GRK3: variants seen among roughly 807,000 people sequenced by gnomAD.
GRK3 encodes adrenergic, beta, receptor kinase 2.
GRK3 carries 54 observed loss-of-function variants against 95.7 expected under a neutral mutation model. The observed-to-expected ratio is 0.56, with a 90% CI of 0.45 to 0.71. The LOEUF (loss-of-function observed/expected upper bound fraction) is 0.71. Among genes scored for constraint, GRK3 ranks in the 30% least tolerant of loss-of-function variants. The probability of loss-of-function intolerance (pLI) is 0.00; values close to 1 mark genes in which losing one functional copy is unlikely to be tolerated. For synonymous variants in GRK3, 281 were observed against 290.8 expected, an observed-to-expected ratio of 0.97 and a Z score of 0.34; for missense variants, 649 against 851.2, an observed-to-expected ratio of 0.76 and a Z score of 2.96.
At position 25,587,932 on chromosome 22, in the gene GRK3, C is replaced by T. The variant is rs143813380; in HGVS notation, c.114-16445C>T. On this transcript the variant is annotated intron_variant, in intron 1 of 20. Transcript: ENST00000324198. ...CCAATTAAACCCTGTTTCCTGGATA[C>T]ATTACCCAGTCTCGGGTATGTCTTT... Among the ~76,000 whole-genome samples, 471 of 147,602 alleles carry T rather than the reference C, an allele frequency of 3.2e-3. 4 individuals are homozygous for T. Among genetic ancestry groups the T allele is most frequent in the South Asian group, 8.8e-3 (41 of 4,648 alleles).
intron 2 of GRK3, among the ~76,000 whole-genome samples, chr22:25,636,262 G>A (rs979233264): frequency 2.6e-5 from 4 of 152,086 alleles, no homozygotes; most frequent in Non-Finnish European, 2.9e-5. Context: ...CATTGCTGCC[G>A]GTGTGTCATT....
Position 25,721,308 on chromosome 22 carries a change from A to G in GRK3, c.1816A>G (p.Ile606Val), listed in dbSNP as rs781676424. The G allele has an allele frequency of 2.5e-6, 4 of 1,596,822 alleles. No individual in the cohort carries two copies. The highest frequency in any genetic ancestry group is 1.1e-5 in the South Asian group (1 of 87,910). The stretch of plus-strand genomic sequence containing the variant: ...GCAAAATTTACTGACAATGGAACAG[A>G]TTCTCTCTGTGGAAGAAACTCAAAT... ...SRQNLLTMEQ[I>V]LSVEETQIKD... Residue 606 changes from isoleucine to valine, a missense_variant, in exon 20 of 21, where the codon ATT becomes GTT. Ile to Val is a conservative substitution (Grantham distance 29). This residue lies in a region of GRK3 where 382 missense variants were observed against 493.8 expected (regional missense o/e 0.77). Coordinates refer to ENST00000324198, the MANE Select transcript of GRK3 (RefSeq NM_005160.4).
At chr22:25,603,534 A>C (rs2084423496) in intron 1 of GRK3, among the ~76,000 whole-genome samples, 1 of 152,202 alleles carries the variant, frequency 6.6e-6, no homozygotes, top group Non-Finnish European at 1.5e-5. Context: ...ACTTTGTAAT[A>C]AGCCCCAGTA....
At chr22:25,640,868 G>A (rs567436345) in intron 2 of GRK3, among the ~76,000 whole-genome samples, 3 of 152,272 alleles carry the variant, frequency 2.0e-5, no homozygotes, top group Admixed American at 2.0e-4. Flanking sequence ...GCAGGTGTTA[G>A]GTCACCATTT....
intron 3 of GRK3, among the ~76,000 whole-genome samples, chr22:25,651,420 C>T (rs1280712129): frequency 6.6e-6 from 1 of 152,176 alleles, no homozygotes; most frequent in Non-Finnish European, 1.5e-5. Flanking sequence ...TAAAATGTGA[C>T]AGATGGACTT....
intron 2 of GRK3, among the ~76,000 whole-genome samples, chr22:25,615,007 G>C (rs2084527334): frequency 6.6e-6 from 1 of 152,188 alleles, no homozygotes; most frequent in African/African-American, 2.4e-5. Context: ...GTACTGAACA[G>C]TTGTTAAGTG....
chr22:25,625,982 G>C (rs1253662666), intron 2 of GRK3, among the ~76,000 whole-genome samples: 1 of 152,096 alleles, frequency 6.6e-6, no homozygotes, highest in Non-Finnish European at 1.5e-5. Context: ...CAGACATCCG[G>C]GGCCACTACC....
chr22:25,661,156 T>G (rs929821792), intron 3 of GRK3, among the ~76,000 whole-genome samples: 1 of 152,204 alleles, frequency 6.6e-6, no homozygotes, highest in African/African-American at 2.4e-5. Context: ...CTCCTTGTAG[T>G]TTTGGAACAC....
intron 2 of GRK3, 30 bp downstream of exon 2, chr22:25,604,483 G>A (rs752041699): frequency 2.0e-6 from 3 of 1,509,212 alleles, no homozygotes; most frequent in Middle Eastern, 1.7e-4. Flanking sequence ...TTGGCATACG[G>A]TAATTTTAGT....
At chr22:25,636,581 GTAAATT>G (rs1384164376) in intron 2 of GRK3, among the ~76,000 whole-genome samples, 1 of 152,046 alleles carries the variant, frequency 6.6e-6, no homozygotes, top group East Asian at 1.9e-4. Flanking sequence ...CTTTTTTAAG[GTAAATT>G]TACTTACAGT....
At chr22:25,722,147 G>C (rs2085437393) in intron 20 of GRK3, 142 bp from the exon 21 acceptor site, 1 of 857,774 alleles carries the variant, frequency 1.2e-6, no homozygotes, top group Non-Finnish European at 1.8e-6. Flanking sequence ...TGACCCATCA[G>C]CTAGTAATGC....
Position 25,678,918 on chromosome 22 carries a change from A to G in GRK3, c.747+3A>G, listed in dbSNP as rs754013509. The G allele has an allele frequency of 1.4e-5, 21 of 1,510,428 alleles. No individual in the cohort carries two copies. Among genetic ancestry groups the G allele is most frequent in the South Asian group, 1.1e-4 (9 of 82,064 alleles). The allele number at this position is 1,510,428 out of a possible 1,614,324, so 93.6% of individuals were successfully genotyped here. A position where few individuals can be genotyped will look rare whatever the true frequency, so the allele number is the denominator to read the frequency against. On this transcript the variant is annotated splice_donor_region_variant and intron_variant, in intron 9 of 20. Transcript: ENST00000324198. ...TGTTGTCTCTTGTCAGCACAGGAGTAAGTATTCAATTTCCAGCATTTCTTT... is the reference window on the plus strand; with the variant it reads ...TGTTGTCTCTTGTCAGCACAGGAGTGAGTATTCAATTTCCAGCATTTCTTT...
intron 3 of GRK3, among the ~76,000 whole-genome samples, chr22:25,659,675 C>T (rs1241054154): frequency 2.6e-5 from 4 of 152,116 alleles, no homozygotes; most frequent in South Asian, 4.1e-4. Flanking sequence ...TATTGGTAGT[C>T]GACTGCATGG....
chr22:25,640,169 A>G (rs1049047238), intron 2 of GRK3, among the ~76,000 whole-genome samples: 6 of 152,208 alleles, frequency 3.9e-5, no homozygotes, highest in Non-Finnish European at 7.4e-5. Flanking sequence ...TGCATTGGCT[A>G]GGACCTCCAA....
intron 3 of GRK3, among the ~76,000 whole-genome samples, chr22:25,657,050 T>C (rs1429191770): frequency 6.6e-6 from 1 of 152,202 alleles, no homozygotes. Context: ...CTGGTTGTAC[T>C]GCATGAAGAG....
chr22:25,666,507 C>T (rs895750002), intron 5 of GRK3, among the ~76,000 whole-genome samples: 7 of 152,180 alleles, frequency 4.6e-5, no homozygotes, highest in South Asian at 4.1e-4. Flanking sequence ...ATATGGTTTT[C>T]GCAACTAGCT....
In GRK3 at chr22:25,688,008, G is replaced by A. The variant is rs752382056; in HGVS notation, c.957+341G>A. Among the ~76,000 whole-genome samples, 79 of 152,282 alleles carry A rather than the reference G, an allele frequency of 5.2e-4. 1 individual carries two copies. In the Middle Eastern group the frequency reaches 0.02, roughly 39 times the overall value. On this transcript the variant is annotated intron_variant, in intron 11 of 20. Transcript: ENST00000324198. Reference sequence around the variant, plus strand: ...TCCCAGCACTTTGGGAGGCCAAGGAGGGCGGATCACAAGGTCAGGAGATCA... The same window carrying A: ...TCCCAGCACTTTGGGAGGCCAAGGAAGGCGGATCACAAGGTCAGGAGATCA...
chr22:25,707,671 A>C (rs2085310545), intron 15 of GRK3, among the ~76,000 whole-genome samples: 1 of 152,246 alleles, frequency 6.6e-6, no homozygotes, highest in Non-Finnish European at 1.5e-5. Flanking sequence ...CCCGTGATCC[A>C]GCAAAGCCAG....
intron 2 of GRK3, among the ~76,000 whole-genome samples, chr22:25,611,477 C>A (rs2084496920): frequency 6.6e-6 from 1 of 152,170 alleles, no homozygotes; most frequent in Admixed American, 6.5e-5. Flanking sequence ...ATATCCTCAC[C>A]AATACTTGTT....
Sources: allele counts gnomAD v4.1 joint callset (sites outside exome capture counted in the v4.1 genomes callset), GRCh38; gene constraint gnomAD v4.1.1; regional missense constraint gnomAD v4.1.1; transcripts MANE v1.5; gene names NCBI Gene and HGNC (gene_info 2026-07-23, HGNC 2026-07-21).